The following LGI4 variants were observed in gnomAD, a reference collection of about 807,000 sequenced individuals.
LGI4 encodes leucine-rich repeat LGI family member 4.
In LGI4, 36 loss-of-function variants were observed where a neutral mutation model predicts 48.3. That is an observed-to-expected ratio of 0.75 (90% CI 0.57 to 0.98). The LOEUF (loss-of-function observed/expected upper bound fraction) is 0.98. Among genes scored for constraint, LGI4 ranks in the 50% least tolerant of loss-of-function variants. The pLI is 0.00. For synonymous variants in LGI4, 355 were observed against 331.6 expected, an observed-to-expected ratio of 1.07 and a Z score of -0.77; for missense variants, 701 against 732.1, an observed-to-expected ratio of 0.96 and a Z score of 0.49.
chr19:35,132,035 C>A lies in LGI4; in HGVS notation c.322G>T (p.Glu108Ter). The A allele has an allele frequency of 6.3e-7, 1 of 1,576,116 alleles. No homozygotes were observed. The change falls in exon 4 of 9, where the codon GAG becomes TAG. Residue 108 changes from glutamate to a stop codon, truncating the protein, a stop_gained. Coordinates refer to ENST00000310123, the MANE Select transcript of LGI4 (RefSeq NM_139284.3). LOFTEE classifies it high-confidence loss of function. ...GAGATGGAGCCAATCTCATTGTCCTCGATGAAGCTGTGGAGGGAAGCTGGG... is the reference window on the plus strand; with the variant it reads ...GAGATGGAGCCAATCTCATTGTCCTAGATGAAGCTGTGGAGGGAAGCTGGG... ...GLSHLQYLFI[E>*]DNEIGSISKN...
Position 35,134,525 on chromosome 19 carries a change from C to G in LGI4, c.156G>C (p.Pro52=), listed in dbSNP as rs369262546. ...GSPDLPVSFS[P]TLLSLSLVRT... Reference sequence around the variant, plus strand: ...TGGACACTCACAGTGACAGCAGGGTCGGAGAGAAGCTGACGGGCAGGTCCG... The same window carrying G: ...TGGACACTCACAGTGACAGCAGGGTGGGAGAGAAGCTGACGGGCAGGTCCG... The change falls in exon 1 of 9, where the codon CCG becomes CCC. Residue 52 remains proline (P), a synonymous_variant. Coordinates refer to ENST00000310123, the MANE Select transcript of LGI4 (RefSeq NM_139284.3). 2 of 1,582,868 alleles carry G rather than the reference C, an allele frequency of 1.3e-6. No homozygotes were observed. The highest frequency in any genetic ancestry group is 1.7e-6 in the Non-Finnish European group (2 of 1,165,090).
At chr19:35,133,865 G>T in intron 2 of LGI4, 101 bp from the exon 3 acceptor site, 1 of 1,370,682 alleles carries the variant, frequency 7.3e-7, no homozygotes, top group Non-Finnish European at 1.0e-6. Context: ...TGGGCACGCA[G>T]GTGTGAGTAT....
rs746703940 is a variant in LGI4 at position 35,125,472 on chromosome 19, C to T, written c.1335G>A (p.Leu445=). ...MRWDGSMFRL[L]QQLPSRGAHV... is the part of the protein sequence containing the mutation. Reference sequence around the variant, plus strand: ...GGGCACCGCGCGAGGGAAGTTGCTGCAGCAGACGAAACATGGAGCCGTCCC... The same window carrying T: ...GGGCACCGCGCGAGGGAAGTTGCTGTAGCAGACGAAACATGGAGCCGTCCC... Residue 445 remains leucine (L), a synonymous_variant, in exon 9 of 9, where the codon CTG becomes CTA. Coordinates refer to ENST00000310123, the MANE Select transcript of LGI4 (RefSeq NM_139284.3). 3 of 1,585,922 alleles carry T rather than the reference C, an allele frequency of 1.9e-6. No individual in the cohort carries two copies. The highest frequency in any genetic ancestry group is 2.6e-6 in the Non-Finnish European group (3 of 1,164,096).
Position 35,132,015 on chromosome 19 carries a change from G to A in LGI4, c.342C>T (p.Ser114=). The A allele has an allele frequency of 6.3e-7, 1 of 1,585,790 alleles. No homozygotes were observed. The highest frequency in any genetic ancestry group is 8.6e-7 in the Non-Finnish European group (1 of 1,165,610). ...GTCCTCTGAGGGCATTCTTAGAGAT[G>A]GAGCCAATCTCATTGTCCTCGATGA... ...YLFIEDNEIG[S]ISKNALRGLR... is the part of the protein sequence containing the mutation. The change falls in exon 4 of 9, where the codon TCC becomes TCT. Residue 114 remains serine, a synonymous_variant. Coordinates refer to ENST00000310123, the MANE Select transcript of LGI4 (RefSeq NM_139284.3).
intron 6 of LGI4, among the ~76,000 whole-genome samples, chr19:35,130,755 C>G (rs1211414085): frequency 6.6e-6 from 1 of 152,162 alleles, no homozygotes; most frequent in Non-Finnish European, 1.5e-5. Flanking sequence ...TCAGGAAGCC[C>G]TTCCTGTCCC....
intron 6 of LGI4, among the ~76,000 whole-genome samples, chr19:35,130,007 A>G (rs1436385229): frequency 6.6e-6 from 1 of 152,156 alleles, no homozygotes; most frequent in East Asian, 1.9e-4. Flanking sequence ...GTAAAGTTAA[A>G]CATAAATCTG....
intron 8 of LGI4, chr19:35,125,842 C>G (rs2065130645): frequency 5.1e-6 from 3 of 588,096 alleles, no homozygotes; most frequent in South Asian, 4.7e-5. Flanking sequence ...CCCTGCTCCC[C>G]CAGTCTGTTC....
intron 3 of LGI4, chr19:35,133,390 CTA>C (rs1490482635): frequency 8.1e-7 from 1 of 1,230,530 alleles, no homozygotes; most frequent in African/African-American, 1.6e-5. Context: ...TCCTGGGTTT[CTA>C]TGAGTCAGGG....
At chr19:35,133,359 T>A in intron 3 of LGI4, 1 of 1,147,136 alleles carries the variant, frequency 8.7e-7, no homozygotes, top group South Asian at 2.4e-5. Flanking sequence ...ACGTTTCTTG[T>A]CTCTGACTTC....
rs1420429498 is a variant in LGI4, at chr19:35,134,935, T to C, written c.-255A>G. On this transcript the variant is annotated 5_prime_UTR_variant, in exon 1 of 9. Transcript: ENST00000310123. ...TTTTGACTCTGTGTGTTAGTCTGTT[T>C]CTATTTCTGTCTTTGTCTCTCTTTC... The C allele has an allele frequency of 6.1e-6, 3 of 489,656 alleles. No homozygotes were observed. The highest frequency in any genetic ancestry group is 1.1e-5 in the Non-Finnish European group (3 of 279,402). The allele number at this position is 489,656 out of a possible 1,614,324, so 30.3% of individuals were successfully genotyped here.
rs748947131 is a variant in LGI4 at position 35,131,501 on chromosome 19, C to A, written c.513G>T (p.Gln171His). The change falls in exon 6 of 9, where the codon CAG becomes CAT. Residue 171 changes from glutamine to histidine, a missense_variant. By Grantham distance (24) the Gln-to-His change is conservative. This residue lies in a region of LGI4 where 462 missense variants were observed against 436.4 expected (regional missense o/e 1.06). Coordinates refer to ENST00000310123, the MANE Select transcript of LGI4 (RefSeq NM_139284.3). ...QCDCRVLWLLQWMPTVNASVG... is the reference protein window; with the variant it reads ...QCDCRVLWLLHWMPTVNASVG... ...CGCTGGCATTCACGGTGGGCATCCA[C>A]TGCAGGAGCCAGAGGACGCGGCAGT... 3.2e-6 allele frequency: 5 copies of A among 1,551,232 alleles called. No individual in the cohort carries two copies. The highest frequency in any genetic ancestry group is 4.4e-6 in the Non-Finnish European group (5 of 1,146,964).
Position 35,134,696 on chromosome 19 carries a change from CT to C in LGI4, c.-17del, listed in dbSNP as rs1004356890. 2 of 1,356,470 alleles carry C rather than the reference CT, an allele frequency of 1.5e-6. No homozygotes were observed. Among genetic ancestry groups the C allele is most frequent in the African/African-American group, 2.9e-5 (2 of 69,456 alleles). 84.0% of individuals were successfully genotyped at this position (1,356,470 alleles called of 1,614,324 possible). A position where few individuals can be genotyped will look rare whatever the true frequency, so the allele number is the denominator to read the frequency against. On this transcript the variant is annotated 5_prime_UTR_variant, in exon 1 of 9. Coordinates refer to ENST00000310123, the MANE Select transcript of LGI4 (RefSeq NM_139284.3). ...CCCCTCCCATGCCCCCACCCCCACT[CT>C]GAGGCACCCGCTTCTCCCGGCCCAC... is the stretch of plus-strand genomic sequence containing the variant.
In LGI4 at chr19:35,125,588, C is replaced by A; in HGVS notation, c.1300-81G>T. 2.4e-6 allele frequency: 3 copies of A among 1,235,794 alleles called. No homozygotes were observed. The South Asian group carries it at 4.5e-5, about 18-fold the overall frequency. 76.6% of individuals were successfully genotyped at this position (1,235,794 alleles called of 1,614,324 possible). ...GAACAGCTTGGAAGCAGAAGCCTGT[C>A]GGTCCCAAAACTCCCATAGCTTTCT... On this transcript the variant is annotated intron_variant, in intron 8 of 8. Coordinates refer to ENST00000310123, the MANE Select transcript of LGI4 (RefSeq NM_139284.3).
In LGI4 at chr19:35,134,617, G is replaced by A. The variant is rs2065197273; in HGVS notation, c.64C>T (p.Pro22Ser). 6.3e-7 allele frequency: 1 copy of A among 1,585,680 alleles called. No individual in the cohort carries two copies. Among genetic ancestry groups the A allele is most frequent in the South Asian group, 1.1e-5 (1 of 87,146 alleles). ...CGCAGGGGACACTTTCCCTTTGGGG[G>A]TCTCCAGGCCACCACCACCCCCGCC... ...AGAGVVVAWR[P>S]PKGKCPLRCS... The change falls in exon 1 of 9, where the codon CCC becomes TCC. Residue 22 changes from proline to serine, a missense_variant. Physicochemically the swap from Pro to Ser is moderately conservative, Grantham distance 74. Around this residue, in one of 3 missense-constraint regions of LGI4, gnomAD observed 462 missense variants for 436.4 expected, o/e 1.06. Transcript: ENST00000310123.
Position 35,134,111 on chromosome 19 carries a change from A to T in LGI4, c.171-7T>A. The T allele has an allele frequency of 6.4e-7, 1 of 1,561,728 alleles. No homozygotes were observed. The highest frequency in any genetic ancestry group is 8.7e-7 in the Non-Finnish European group (1 of 1,152,500). ...TCCCGTCCTGACGAGTGAGCTGGGGATGTGGGCAGTGGTAGGTGAGAGGGA... is the reference window on the plus strand; with the variant it reads ...TCCCGTCCTGACGAGTGAGCTGGGGTTGTGGGCAGTGGTAGGTGAGAGGGA... On this transcript the variant is annotated splice_region_variant and splice_polypyrimidine_tract_variant and intron_variant, in intron 1 of 8. Transcript: ENST00000310123.
chr19:35,131,273 C>T (rs1320581365), intron 6 of LGI4, 113 bp downstream of exon 6: 2 of 1,339,350 alleles, frequency 1.5e-6, no homozygotes, highest in Non-Finnish European at 2.1e-6. Context: ...GCTGCTTGCT[C>T]AGGGTCTTCC....
At chr19:35,128,262 A>G (rs1688000) in intron 6 of LGI4, among the ~76,000 whole-genome samples, 93,705 of 152,146 alleles carry the variant, frequency 0.62, 29,141 homozygotes, top group South Asian at 0.67. Flanking sequence ...GCTTGTTAGT[A>G]GGGGAGCTGG....
intron 6 of LGI4, among the ~76,000 whole-genome samples, chr19:35,129,361 A>G (rs553829737): frequency 7.1e-4 from 107 of 151,706 alleles, no homozygotes; most frequent in Non-Finnish European, 1.4e-3. Context: ...GTTGTGGGGG[A>G]AAGGAAGAGA....
intron 6 of LGI4, 28 bp downstream of exon 6, chr19:35,131,358 C>T (rs2065172914): frequency 3.9e-6 from 6 of 1,550,282 alleles, no homozygotes; most frequent in Admixed American, 2.0e-5. Context: ...GATCTCCCGC[C>T]TCCCACCCCA....
Sources: allele counts gnomAD v4.1 joint callset (sites outside exome capture counted in the v4.1 genomes callset), GRCh38; gene constraint gnomAD v4.1.1; regional missense constraint gnomAD v4.1.1; transcripts MANE v1.5; gene names NCBI Gene and HGNC (gene_info 2026-07-23, HGNC 2026-07-21).